DLGAP2: variants seen among roughly 807,000 people sequenced by gnomAD.
DLGAP2 encodes the protein disks large-associated protein 2.
A neutral mutation model predicts 100.3 loss-of-function variants in DLGAP2; 26 were observed. The observed-to-expected ratio is 0.26, with a 90% CI of 0.19 to 0.36. The LOEUF (loss-of-function observed/expected upper bound fraction) is 0.36. DLGAP2 is among the 10% of genes least tolerant of loss of function. The pLI is 1.00. For synonymous variants in DLGAP2, 886 were observed against 630.1 expected, an observed-to-expected ratio of 1.41 and a Z score of -6.08; for missense variants, 1,858 against 1,453.2, an observed-to-expected ratio of 1.28 and a Z score of -4.53.
chr8:1,051,682 A>G (rs1325128435), intron 2 of DLGAP2, among the ~76,000 whole-genome samples: 1 of 152,118 alleles, frequency 6.6e-6, no homozygotes, highest in African/African-American at 2.4e-5. Flanking sequence ...TCCACATCAC[A>G]GTTTAGACTC....
At chr8:1,322,438 ACGCG>A in intron 3 of DLGAP2, among the ~76,000 whole-genome samples, 1 of 152,164 alleles carries the variant, frequency 6.6e-6, no homozygotes. Context: ...CTGTGACTTC[ACGCG>A]TGTGGATCCG....
At chr8:1,391,400 G>A (rs1488378574) in intron 3 of DLGAP2, among the ~76,000 whole-genome samples, 7 of 152,176 alleles carry the variant, frequency 4.6e-5, no homozygotes, top group South Asian at 2.1e-4. Flanking sequence ...AGAGGCACGC[G>A]GCTTATCCAG....
At chr8:1,001,814 A>G (rs1563137706) in intron 2 of DLGAP2, among the ~76,000 whole-genome samples, 1 of 152,198 alleles carries the variant, frequency 6.6e-6, no homozygotes, top group Non-Finnish European at 1.5e-5. Flanking sequence ...GGAACAAGGA[A>G]GAAATCTTGA....
chr8:1,702,597 T>C lies in DLGAP2; in HGVS notation c.*1191T>C, dbSNP rs1461160278. 2.6e-5 allele frequency: 4 copies of C among 152,544 alleles called. No homozygotes were observed. The highest frequency in any genetic ancestry group is 4.4e-5 in the Non-Finnish European group (3 of 68,036). 9.4% of individuals were successfully genotyped at this position (152,544 alleles called of 1,614,324 possible). A position where few individuals can be genotyped will look rare whatever the true frequency, so the allele number is the denominator to read the frequency against. On this transcript the variant is annotated 3_prime_UTR_variant, in exon 15 of 15. Transcript: ENST00000637795. ...ATGAAGGGAAAAAGAGGTCACATAT[T>C]GTGATTTCCAGCTGTAGCATTCAAA...
intron 2 of DLGAP2, among the ~76,000 whole-genome samples, chr8:946,545 G>C (rs571503640): frequency 2.6e-5 from 4 of 152,074 alleles, no homozygotes; most frequent in Non-Finnish European, 4.4e-5. Flanking sequence ...TTACAGGCGT[G>C]AGCCACCGCG....
chr8:942,434 C>T (rs957167584), intron 2 of DLGAP2, among the ~76,000 whole-genome samples: 1 of 152,222 alleles, frequency 6.6e-6, no homozygotes, highest in African/African-American at 2.4e-5. Flanking sequence ...CCAGAGTCCC[C>T]ACCTGGGATG....
intron 1 of DLGAP2, among the ~76,000 whole-genome samples, chr8:824,313 C>G (rs974747858): frequency 6.6e-6 from 1 of 152,024 alleles, no homozygotes; most frequent in Non-Finnish European, 1.5e-5. Context: ...TGGGCTCAAG[C>G]AATGTCTTTG....
intron 2 of DLGAP2, among the ~76,000 whole-genome samples, chr8:1,092,506 G>T (rs1361034690): frequency 1.3e-5 from 2 of 152,214 alleles, no homozygotes; most frequent in Non-Finnish European, 2.9e-5. Flanking sequence ...CAGGGAGCAT[G>T]AGGGCCCTGG....
At chr8:977,121 T>G (rs1800185168) in intron 2 of DLGAP2, among the ~76,000 whole-genome samples, 1 of 152,338 alleles carries the variant, frequency 6.6e-6, no homozygotes, top group African/African-American at 2.4e-5. Flanking sequence ...AGAGGTCAGC[T>G]TCTTGCATTT....
chr8:1,164,433 C>T (rs1314390235), intron 2 of DLGAP2, among the ~76,000 whole-genome samples: 3 of 151,780 alleles, frequency 2.0e-5, no homozygotes, highest in Non-Finnish European at 4.4e-5. Context: ...GATTCAGCCC[C>T]ATGTGAAAGT....
At chr8:1,431,922 C>G (rs1175105789) in intron 3 of DLGAP2, among the ~76,000 whole-genome samples, 3 of 150,658 alleles carry the variant, frequency 2.0e-5, no homozygotes, top group African/African-American at 4.9e-5. Context: ...AGGGCTGAAC[C>G]CTGCCGGCAC....
chr8:1,520,877 G>C (rs1209592087), intron 4 of DLGAP2, among the ~76,000 whole-genome samples: 5 of 152,186 alleles, frequency 3.3e-5, no homozygotes, highest in African/African-American at 1.2e-4. Context: ...GAATACCTGG[G>C]GGCGTGATTG....
At chr8:1,607,250 C>G (rs530155900) in intron 6 of DLGAP2, among the ~76,000 whole-genome samples, 1 of 152,176 alleles carries the variant, frequency 6.6e-6, no homozygotes, top group South Asian at 2.1e-4. Context: ...TCTTTAATCT[C>G]TAAAGATTTA....
At chr8:865,732 G>T (rs561307674) in intron 1 of DLGAP2, among the ~76,000 whole-genome samples, 1 of 152,204 alleles carries the variant, frequency 6.6e-6, no homozygotes, top group Admixed American at 6.5e-5. Context: ...TGTGAGCTGC[G>T]TGGATGTCTG....
At chr8:1,137,279 C>G (rs1332042931) in intron 2 of DLGAP2, 2 of 152,582 alleles carry the variant, frequency 1.3e-5, no homozygotes, top group African/African-American at 4.8e-5. Context: ...CCTCATTTAA[C>G]CTGGATTGTT....
chr8:1,115,562 A>G (rs1181648375), intron 2 of DLGAP2, among the ~76,000 whole-genome samples: 1 of 152,244 alleles, frequency 6.6e-6, no homozygotes, highest in Non-Finnish European at 1.5e-5. Context: ...CTACCACACC[A>G]TAGATGCTGT....
chr8:1,229,899 C>A (rs1046158428), intron 2 of DLGAP2, among the ~76,000 whole-genome samples: 1 of 152,044 alleles, frequency 6.6e-6, no homozygotes, highest in East Asian at 1.9e-4. Flanking sequence ...TATGACAAAC[C>A]CACAGCCAAC....
intron 4 of DLGAP2, among the ~76,000 whole-genome samples, chr8:1,523,390 C>T (rs1468595539): frequency 1.3e-5 from 2 of 152,230 alleles, no homozygotes; most frequent in African/African-American, 4.8e-5. Context: ...GATTTGCCGG[C>T]CTCACGCCGG....
At chr8:994,621 G>A (rs1451551780) in intron 2 of DLGAP2, among the ~76,000 whole-genome samples, 1 of 152,154 alleles carries the variant, frequency 6.6e-6, no homozygotes, top group African/African-American at 2.4e-5. Context: ...TAGGTGGGAG[G>A]GCTTGGGATG....
Sources: gnomAD v4.1 joint callset for allele counts (sites outside exome capture counted in the v4.1 genomes callset) on GRCh38, gnomAD v4.1.1 for gene constraint, MANE v1.5 for transcripts, NCBI Gene and HGNC (gene_info 2026-07-23, HGNC 2026-07-21) for gene names.